The following GNB1 variants were observed in gnomAD, a reference collection of about 807,000 sequenced individuals.
The protein encoded by GNB1 is guanine nucleotide-binding protein G(I)/G(S)/G(T) subunit beta-1.
In GNB1, 2 loss-of-function variants were observed where a neutral mutation model predicts 42.9. The ratio of observed to expected loss-of-function variants is 0.05; its 90% confidence interval spans 0.02 to 0.15. The LOEUF is 0.15. GNB1 is among the 10% of genes least tolerant of loss of function. The pLI is 1.00. For missense variants in GNB1, 193 were observed against 462.2 expected, an observed-to-expected ratio of 0.42 and a Z score of 5.34; for synonymous variants, 183 against 174.7, an observed-to-expected ratio of 1.05 and a Z score of -0.38.
intron 1 of GNB1, among the ~76,000 whole-genome samples, chr1:1,875,025 C>T (rs569033365): frequency 3.3e-5 from 5 of 152,202 alleles, no homozygotes; most frequent in South Asian, 2.1e-4. Flanking sequence ...CAGTTCATGA[C>T]GGGGTTCACG....
rs11554059 is a variant in GNB1 at position 1,789,202 on chromosome 1, C to T, written c.767G>A (p.Arg256His). The change falls in exon 10 of 12, where the codon CGT (arginine) becomes CAT (histidine). Residue 256 changes from arginine (R) to histidine (H), a missense_variant. Arg to His is a conservative substitution (Grantham distance 29, BLOSUM62 0). Around this residue, in one of 2 missense-constraint regions of GNB1, gnomAD observed 150 missense variants for 410.8 expected, o/e 0.37. Transcript: ENST00000378609. ...GTAAGTCATGAGCTCCTGGTCAGCA[C>T]GAAGGTCAAACAGCCTGCAGGTGGC... ...DDATCRLFDL[R>H]ADQELMTYSH... The T allele has an allele frequency of 1.2e-6, 2 of 1,613,750 alleles. No individual in the cohort carries two copies. The highest frequency in any genetic ancestry group is 1.7e-6 in the Non-Finnish European group (2 of 1,179,716).
chr1:1,850,564 GT>G (rs1001049120), intron 1 of GNB1, among the ~76,000 whole-genome samples: 1 of 151,992 alleles, frequency 6.6e-6, no homozygotes, highest in Non-Finnish European at 1.5e-5. Flanking sequence ...CATCTATAAT[GT>G]TTTTAAAGAA....
chr1:1,888,984 A>G (rs1234008618), intron 1 of GNB1, among the ~76,000 whole-genome samples: 1 of 152,208 alleles, frequency 6.6e-6, no homozygotes, highest in Admixed American at 6.5e-5. Context: ...CAAAGAAGGA[A>G]CCGCCTATCC....
rs143779830 is a variant in GNB1, at chr1:1,810,947, C to T, written c.204-4409G>A. On this transcript the variant is annotated intron_variant, in intron 5 of 11. Coordinates refer to ENST00000378609, the MANE Select transcript of GNB1 (RefSeq NM_002074.5). The stretch of plus-strand genomic sequence containing the variant: ...CCTCCCAAAGTGCTGGGATTATAGG[C>T]GTGAACCACGGTGCCTGGCCTCTCA... 4.5e-3 allele frequency among the ~76,000 whole-genome samples: 683 copies of T among 151,210 alleles called. 5 individuals are homozygous for T. The highest frequency in any genetic ancestry group is 0.015 in the African/African-American group (605 of 41,210).
At position 1,852,639 on chromosome 1, in the gene GNB1, G is replaced by A. The variant is rs375546265; in HGVS notation, c.-95-13401C>T. Among the ~76,000 whole-genome samples, 18 of 151,586 alleles carry A rather than the reference G, an allele frequency of 1.2e-4. No homozygotes were observed. In the East Asian group the frequency reaches 3.3e-3, roughly 28 times the overall value. ...GAGCCCAGGAGTTGAAGGCAGCAGC[G>A]AGCCACTGTATGTCAGCCTGGGCAA... is the stretch of plus-strand genomic sequence containing the variant. On this transcript the variant is annotated intron_variant, in intron 1 of 11. Transcript: ENST00000378609.
intron 1 of GNB1, among the ~76,000 whole-genome samples, chr1:1,857,600 G>A (rs955222351): frequency 1.3e-5 from 2 of 152,050 alleles, no homozygotes; most frequent in African/African-American, 2.4e-5. Context: ...ACCTGAGAAG[G>A]GAACATGGGT....
intron 4 of GNB1, among the ~76,000 whole-genome samples, chr1:1,816,644 C>CTTTT (rs59065707): frequency 3.7e-5 from 4 of 108,634 alleles, no homozygotes; most frequent in African/African-American, 9.7e-5. Flanking sequence ...TTTTTATTAT[C>CTTTT]TTTTTTTTTT....
chr1:1,829,498 G>A lies in GNB1; in HGVS notation c.-46-3999C>T, dbSNP rs77726987. Among the ~76,000 whole-genome samples the A allele has an allele frequency of 1.1e-3, 162 of 152,340 alleles. 3 individuals are homozygous for A. The East Asian group carries it at 0.028, about 26-fold the overall frequency. ...AGCAGTGAACTGGCTGATGGGATGAGGCAGGAGAGACGAGAAAACGTGACC... is the reference window on the plus strand; with the variant it reads ...AGCAGTGAACTGGCTGATGGGATGAAGCAGGAGAGACGAGAAAACGTGACC... On this transcript the variant is annotated intron_variant, in intron 2 of 11. Transcript: ENST00000378609.
At chr1:1,825,303 A>G in intron 3 of GNB1, 94 bp downstream of exon 3, 2 of 861,430 alleles carry the variant, frequency 2.3e-6, no homozygotes, top group Non-Finnish European at 4.0e-6. Flanking sequence ...TAAAACATAG[A>G]ACAAGTCATC....
chr1:1,830,057 A>G (rs1647054755), intron 2 of GNB1, among the ~76,000 whole-genome samples: 1 of 151,730 alleles, frequency 6.6e-6, no homozygotes, highest in Non-Finnish European at 1.5e-5. Flanking sequence ...TTTTTTCTAC[A>G]CACACCAGAT....
intron 1 of GNB1, among the ~76,000 whole-genome samples, chr1:1,873,273 T>C (rs572182313): frequency 6.6e-6 from 1 of 152,362 alleles, no homozygotes; most frequent in South Asian, 2.1e-4. Context: ...AAACATGTCC[T>C]CAAGTAGCCT....
chr1:1,867,663 A>C (rs1229615187), intron 1 of GNB1, among the ~76,000 whole-genome samples: 1 of 152,194 alleles, frequency 6.6e-6, no homozygotes, highest in East Asian at 1.9e-4. Flanking sequence ...CCTTTATCAT[A>C]TATATTCCTA....
intron 2 of GNB1, among the ~76,000 whole-genome samples, chr1:1,826,245 G>A (rs182275485): frequency 1.3e-5 from 2 of 151,550 alleles, no homozygotes; most frequent in African/African-American, 2.4e-5. Context: ...GGTGAAACCC[G>A]ATCTCTACTA....
intron 2 of GNB1, among the ~76,000 whole-genome samples, chr1:1,826,946 G>T (rs1647007312): frequency 6.6e-6 from 1 of 152,160 alleles, no homozygotes; most frequent in Admixed American, 6.6e-5. Flanking sequence ...GGACACAGTT[G>T]CTAATGTCTT....
Position 1,804,366 on chromosome 1 carries a change from T to A in GNB1, c.430+53A>T, listed in dbSNP as rs746063419. ...AAGTGAGTATCCAAAGCATATAATG[T>A]ACCCCAGGTAAACAGCTTGTGTCAC... On this transcript the variant is annotated intron_variant, in intron 7 of 11. Transcript: ENST00000378609. 1.5e-5 allele frequency: 18 copies of A among 1,200,166 alleles called. No individual in the cohort carries two copies. In the Admixed American group the frequency reaches 2.1e-4, roughly 14 times the overall value. 74.3% of individuals were successfully genotyped at this position (1,200,166 alleles called of 1,614,324 possible). A position where few individuals can be genotyped will look rare whatever the true frequency, so the allele number is the denominator to read the frequency against.
At chr1:1,844,458 C>G (rs193161333) in intron 1 of GNB1, among the ~76,000 whole-genome samples, 3 of 151,566 alleles carry the variant, frequency 2.0e-5, no homozygotes, top group East Asian at 3.9e-4. Context: ...TGACTCTATA[C>G]AGCTAATTTA....
chr1:1,795,761 A>AAAAAAAC, intron 7 of GNB1, among the ~76,000 whole-genome samples: 1 of 152,010 alleles, frequency 6.6e-6, no homozygotes, highest in East Asian at 1.9e-4. Context: ...TCAAAAAAAC[A>AAAAAAAC]AAAAACATGA....
intron 1 of GNB1, among the ~76,000 whole-genome samples, chr1:1,869,540 C>T (rs1649132985): frequency 6.6e-6 from 1 of 152,176 alleles, no homozygotes; most frequent in South Asian, 2.1e-4. Context: ...CTGCTTCCTC[C>T]TCCCGTGAAT....
intron 1 of GNB1, among the ~76,000 whole-genome samples, chr1:1,886,616 A>C (rs1650171870): frequency 6.6e-6 from 1 of 152,224 alleles, no homozygotes; most frequent in Non-Finnish European, 1.5e-5. Context: ...TCCTAAACCA[A>C]ACACTTAACT....
Sources: allele counts gnomAD v4.1 joint callset (sites outside exome capture counted in the v4.1 genomes callset), GRCh38; gene constraint gnomAD v4.1.1; regional missense constraint gnomAD v4.1.1; transcripts MANE v1.5; gene names NCBI Gene and HGNC (gene_info 2026-07-23, HGNC 2026-07-21).